Variants in LDLRAD3 observed in about 807,000 individuals in gnomAD.
The protein encoded by LDLRAD3 is low-density lipoprotein receptor class A domain-containing protein 3.
In LDLRAD3, 20 loss-of-function variants were observed where a neutral mutation model predicts 29.4. The ratio of observed to expected loss-of-function variants is 0.68; its 90% confidence interval spans 0.48 to 0.99. The LOEUF (loss-of-function observed/expected upper bound fraction) is 0.99. LDLRAD3 is among the 50% of genes least tolerant of loss of function. LDLRAD3 has a pLI of 0.00. For synonymous variants in LDLRAD3, 157 were observed against 192.7 expected (o/e 0.81, Z 1.53); for missense variants, 420 against 454.3 (o/e 0.92, Z 0.69).
chr11:36,228,421 A>C (rs986902488), intron 5 of LDLRAD3, among the ~76,000 whole-genome samples: 1 of 152,168 alleles, frequency 6.6e-6, no homozygotes, highest in Non-Finnish European at 1.5e-5. Context: ...GAATCTGGAA[A>C]CAGAATGCGT....
At position 36,227,170 on chromosome 11, in the gene LDLRAD3, C is replaced by A; in HGVS notation, c.540C>A (p.Ser180=). ...PSITYAIIGS[S]VIFVLVVALL... ...TCACCTATGCCATCATCGGCAGCTC[C>A]GTCATTTTTGTGCTGGTGGTGGCCC... The change falls in exon 5 of 6, where the codon TCC becomes TCA. Residue 180 remains serine, a synonymous_variant. Coordinates refer to ENST00000315571, the MANE Select transcript of LDLRAD3 (RefSeq NM_174902.4). 6.2e-7 allele frequency: 1 copy of A among 1,614,110 alleles called. No individual in the cohort carries two copies.
At chr11:36,058,378 C>T (rs932240482) in intron 2 of LDLRAD3, among the ~76,000 whole-genome samples, 9 of 152,204 alleles carry the variant, frequency 5.9e-5, no homozygotes, top group African/African-American at 1.9e-4. Context: ...AAGCATATGA[C>T]CTACTTTATC....
At chr11:36,174,411 A>C (rs1250505361) in intron 4 of LDLRAD3, among the ~76,000 whole-genome samples, 2 of 152,248 alleles carry the variant, frequency 1.3e-5, no homozygotes, top group Non-Finnish European at 2.9e-5. Context: ...AGAAACTACC[A>C]TCAGAGTGAA....
intron 4 of LDLRAD3, among the ~76,000 whole-genome samples, chr11:36,129,563 C>G (rs1473169176): frequency 2.0e-5 from 3 of 152,200 alleles, no homozygotes; most frequent in Non-Finnish European, 4.4e-5. Flanking sequence ...ATAAATCGTC[C>G]TTTGTGCCAG....
intron 4 of LDLRAD3, among the ~76,000 whole-genome samples, chr11:36,119,832 GATGAGGTCCAACTC>G (rs1853727697): frequency 6.6e-6 from 1 of 152,112 alleles, no homozygotes; most frequent in African/African-American, 2.4e-5. Flanking sequence ...GTTTAATTTT[GATGAGGTCCAACTC>G]ATCTATTTTG....
At chr11:36,044,700 A>C (rs1852424497) in intron 2 of LDLRAD3, among the ~76,000 whole-genome samples, 1 of 152,208 alleles carries the variant, frequency 6.6e-6, no homozygotes, top group Admixed American at 6.5e-5. Flanking sequence ...CCAGATGCCC[A>C]AACTGGTGCA....
At chr11:36,140,880 G>A (rs1451469737) in intron 4 of LDLRAD3, among the ~76,000 whole-genome samples, 1 of 152,138 alleles carries the variant, frequency 6.6e-6, no homozygotes, top group Non-Finnish European at 1.5e-5. Context: ...TGCAATTGAA[G>A]TAGATAAAGC....
chr11:35,973,390 A>G (rs1851439526), intron 1 of LDLRAD3, among the ~76,000 whole-genome samples: 2 of 152,156 alleles, frequency 1.3e-5, no homozygotes, highest in African/African-American at 4.8e-5. Flanking sequence ...TGCATATGTC[A>G]TTCTAAATAC....
chr11:36,212,612 C>G (rs149618264), intron 4 of LDLRAD3, among the ~76,000 whole-genome samples: 26 of 152,158 alleles, frequency 1.7e-4, no homozygotes, highest in African/African-American at 6.3e-4. Flanking sequence ...ACCCTCCAAC[C>G]AGTTCTGCAA....
At chr11:36,113,671 A>ATTTT (rs1853635892) in intron 4 of LDLRAD3, among the ~76,000 whole-genome samples, 2 of 123,776 alleles carry the variant, frequency 1.6e-5, no homozygotes, top group African/African-American at 7.0e-5. Flanking sequence ...ACATAGCATC[A>ATTTT]CTTTTTTTTT....
chr11:35,997,547 A>G (rs1296465601), intron 1 of LDLRAD3: 4 of 351,472 alleles, frequency 1.1e-5, no homozygotes, highest in South Asian at 8.5e-5. Context: ...TGGCAGTGTC[A>G]TCACCAACCT....
chr11:36,084,639 G>A (rs995406456), intron 3 of LDLRAD3, among the ~76,000 whole-genome samples: 8 of 152,138 alleles, frequency 5.3e-5, no homozygotes, highest in Non-Finnish European at 1.0e-4. Context: ...AAGAATACCA[G>A]CTAATAGAAG....
chr11:35,953,161 T>G (rs1162396897), intron 1 of LDLRAD3, among the ~76,000 whole-genome samples: 10 of 152,156 alleles, frequency 6.6e-5, no homozygotes, highest in African/African-American at 2.4e-4. Context: ...GGTGATAAAT[T>G]GGGTGAATTC....
chr11:36,121,843 C>A (rs988688166), intron 4 of LDLRAD3, among the ~76,000 whole-genome samples: 1 of 152,230 alleles, frequency 6.6e-6, no homozygotes, highest in Non-Finnish European at 1.5e-5. Context: ...CCTCACAAAT[C>A]CAGCACCTCC....
At position 36,057,319 on chromosome 11, in the gene LDLRAD3, C is replaced by T. The variant is rs1427769592; in HGVS notation, c.193+21070C>T. On this transcript the variant is annotated intron_variant, in intron 2 of 5. Coordinates refer to ENST00000315571, the MANE Select transcript of LDLRAD3 (RefSeq NM_174902.4). ...CCAGAAGCCCACTTGTATCCTGTTT[C>T]GCCGGGGGAGCCTAATCTACACTCA... Among the ~76,000 whole-genome samples the T allele has an allele frequency of 6.6e-5, 10 of 151,014 alleles. No homozygotes were observed. The East Asian group carries it at 7.9e-4, about 12-fold the overall frequency.
At chr11:36,098,840 G>C (rs1450829242) in intron 4 of LDLRAD3, among the ~76,000 whole-genome samples, 1 of 152,194 alleles carries the variant, frequency 6.6e-6, no homozygotes, top group Non-Finnish European at 1.5e-5. Context: ...AGTCTGCAGA[G>C]TGGGATGTCT....
chr11:36,037,664 T>C (rs1031554120), intron 2 of LDLRAD3, among the ~76,000 whole-genome samples: 1 of 152,136 alleles, frequency 6.6e-6, no homozygotes, highest in Non-Finnish European at 1.5e-5. Flanking sequence ...GCCGAGTCTG[T>C]TGACGCATGG....
chr11:36,145,408 G>A (rs1854174360), intron 4 of LDLRAD3, among the ~76,000 whole-genome samples: 1 of 105,490 alleles, frequency 9.5e-6, no homozygotes, highest in Admixed American at 8.2e-5. Context: ...CGCCCAGCCA[G>A]CCACCCCATC....
Position 35,973,152 on chromosome 11 carries a change from TTTTG to T in LDLRAD3, c.46+29012_46+29015del, listed in dbSNP as rs1479648316. Among the ~76,000 whole-genome samples, 3 of 151,236 alleles carry T rather than the reference TTTTG, an allele frequency of 2.0e-5. No homozygotes were observed. In the East Asian group the frequency reaches 5.8e-4, roughly 29 times the overall value. ...CCTCCCTGGAGGCACCTCAGTTTTG[TTTTG>T]TTTTGTTTTGTTTTGTTTTTTTTGA... On this transcript the variant is annotated intron_variant, in intron 1 of 5. Coordinates refer to ENST00000315571, the MANE Select transcript of LDLRAD3 (RefSeq NM_174902.4).
Sources: allele counts gnomAD v4.1 joint callset (sites outside exome capture counted in the v4.1 genomes callset), GRCh38; gene constraint gnomAD v4.1.1; transcripts MANE v1.5; gene names NCBI Gene and HGNC (gene_info 2026-07-23, HGNC 2026-07-21).